The following ASPHD1 variants were observed in gnomAD, a reference collection of about 807,000 sequenced individuals.
ASPHD1 encodes the protein aspartate beta-hydroxylase domain-containing protein 1.
ASPHD1 carries 20 observed loss-of-function variants against 28.3 expected under a neutral mutation model. The ratio of observed to expected loss-of-function variants is 0.71; its 90% CI spans 0.50 to 1.03. The LOEUF is 1.03. ASPHD1 is among the 50% of genes least tolerant of loss of function. The pLI is 0.00. For synonymous variants in ASPHD1, 240 were observed against 221.2 expected (o/e 1.08, Z -0.75); for missense variants, 479 against 524.1 (o/e 0.91, Z 0.84).
At position 29,904,974 on chromosome 16, in the gene ASPHD1, G is replaced by C. The variant is rs1456559081; in HGVS notation, c.1063+9G>C. On this transcript the variant is annotated intron_variant, in intron 2 of 2. Transcript: ENST00000308748. ...CACAGTGGCTCACAATGGTAACGGGGTGCCCATTCTGCAGGGGGGATGAGG... is the reference window on the plus strand; with the variant it reads ...CACAGTGGCTCACAATGGTAACGGGCTGCCCATTCTGCAGGGGGGATGAGG... 1.2e-6 allele frequency: 2 copies of C among 1,604,168 alleles called. No homozygotes were observed. Among genetic ancestry groups the C allele is most frequent in the Middle Eastern group, 3.3e-4 (2 of 6,024 alleles).
intron 1 of ASPHD1, 111 bp from the exon 2 acceptor site, chr16:29,904,741 G>T: frequency 1.6e-6 from 1 of 615,988 alleles, no homozygotes; most frequent in Non-Finnish European, 2.8e-6. Flanking sequence ...AAAGGAGGAT[G>T]ACCACAAAAC....
At position 29,901,887 on chromosome 16, in the gene ASPHD1, G is replaced by C; in HGVS notation, c.916G>C (p.Gly306Arg). 1 of 1,520,370 alleles carries C rather than the reference G, an allele frequency of 6.6e-7. No individual in the cohort carries two copies. The highest frequency in any genetic ancestry group is 1.3e-5 in the South Asian group (1 of 76,634). 94.2% of individuals were successfully genotyped at this position (1,520,370 alleles called of 1,614,324 possible). The change falls in exon 1 of 3, where the codon GGG becomes CGG. Residue 306 changes from glycine (G) to arginine (R), a missense_variant. Gly to Arg is a moderately radical substitution (Grantham distance 125). Transcript: ENST00000308748. The surrounding 1 kb of genome is among the most constrained non-coding windows in gnomAD (Gnocchi z 5.1). ...TGGGGCCCGGCTCGAGGGCCGCTGT[G>C]GGCCCACCAATGCCCGGGTCAGATG... is the stretch of plus-strand genomic sequence containing the variant. ...LPGARLEGRC[G>R]PTNARVRCHL...
chr16:29,918,932 A>C lies in ASPHD1; in HGVS notation c.*63-599A>C, dbSNP rs574531104. Among the ~76,000 whole-genome samples, 361 of 152,290 alleles carry C rather than the reference A, an allele frequency of 2.4e-3. 1 individual carries two copies. Among genetic ancestry groups the C allele is most frequent in the African/African-American group, 8.4e-3 (349 of 41,562 alleles). On this transcript the variant is annotated intron_variant and NMD_transcript_variant, in intron 3 of 3. Coordinates refer to the ASPHD1 transcript ENST00000414952. Reference sequence around the variant, plus strand: ...CTCAGCCTCCCAAAGTGCTGGGATTACAGGCATGAGCCACCGCACCTGGCA... The same window carrying C: ...CTCAGCCTCCCAAAGTGCTGGGATTCCAGGCATGAGCCACCGCACCTGGCA...
chr16:29,912,483 C>G, intron 3 of ASPHD1: 1 of 214,296 alleles, frequency 4.7e-6, no homozygotes. Context: ...GCTTGTTGCC[C>G]AGGCTGGAGT....
In ASPHD1 at chr16:29,911,140, C is replaced by G; in HGVS notation, c.*62+5181C>G. On this transcript the variant is annotated intron_variant and NMD_transcript_variant, in intron 3 of 3. Transcript: ENST00000414952. ...AGCGCAGGGCCAGCTTGTCGAACAG[C>G]TCGATGTTCTTAAGTAGGTTGTCAT... 6.2e-7 allele frequency: 1 copy of G among 1,614,140 alleles called. No homozygotes were observed. Among genetic ancestry groups the G allele is most frequent in the Non-Finnish European group, 8.5e-7 (1 of 1,180,010 alleles).
intron 2 of ASPHD1, 35 bp downstream of exon 2, chr16:29,905,000 G>T: frequency 6.6e-7 from 1 of 1,515,320 alleles, no homozygotes; most frequent in South Asian, 1.1e-5. Flanking sequence ...GGGGATGAGG[G>T]ACTCAGGAGC....
At chr16:29,910,832 G>A, downstream of ASPHD1, 2 of 658,508 alleles carry the variant, frequency 3.0e-6, no homozygotes, top group Non-Finnish European at 5.2e-6. Flanking sequence ...GGATAGGGTG[G>A]CTTGCCCACT....
rs1057400851 is a variant in ASPHD1 at position 29,901,362 on chromosome 16, G to A, written c.391G>A (p.Gly131Arg). 21 of 1,594,270 alleles carry A rather than the reference G, an allele frequency of 1.3e-5. No homozygotes were observed. Among genetic ancestry groups the A allele is most frequent in the Admixed American group, 1.8e-5 (1 of 56,644 alleles). ...CTCGGAGGCCGGCGGGCCAAGCCCA[G>A]GGGGTCCTGGGGATCCCGGGGAAGG... ...GCSEAGGPSP[G>R]GPGDPGEGPR... is the part of the protein sequence containing the mutation. The change falls in exon 1 of 3, where the codon GGG becomes AGG. Residue 131 changes from glycine to arginine, a missense_variant. Physicochemically the swap from Gly to Arg is moderately radical, Grantham distance 125. Transcript: ENST00000308748. This position sits in a 1 kb window ranked among gnomAD's most constrained non-coding sequence, Gnocchi z 5.1.
At chr16:29,911,434 T>C (rs2068707351) in intron 3 of ASPHD1, 4 of 561,022 alleles carry the variant, frequency 7.1e-6, no homozygotes, top group Non-Finnish European at 1.3e-5. Flanking sequence ...GGGGTCCTGG[T>C]GTCCCCATTT....
chr16:29,904,528 G>A (rs778545354), intron 1 of ASPHD1, among the ~76,000 whole-genome samples: 3 of 150,604 alleles, frequency 2.0e-5, no homozygotes, highest in Non-Finnish European at 4.4e-5. Flanking sequence ...GCTGAGACAC[G>A]AGAATCACTT....
chr16:29,911,551 C>T, intron 3 of ASPHD1: 1 of 589,486 alleles, frequency 1.7e-6, no homozygotes, highest in South Asian at 2.0e-5. Flanking sequence ...GAGGACTCTG[C>T]CAGTTCCTAG....
rs202082471 is a variant in ASPHD1 at position 29,911,805 on chromosome 16, C to T, written c.*62+5846C>T. 216 of 1,612,322 alleles carry T rather than the reference C, an allele frequency of 1.3e-4. 1 individual carries two copies. The highest frequency in any genetic ancestry group is 1.5e-4 in the Non-Finnish European group (180 of 1,179,614). On this transcript the variant is annotated intron_variant and NMD_transcript_variant, in intron 3 of 3. Transcript: ENST00000414952. ...GGGTCCCGCCCAGTGCCCCGCACCC[C>T]GGCGGTCACCTGGTGTAGGAGTACT...
chr16:29,901,968 C>T lies in ASPHD1; in HGVS notation c.949+48C>T, dbSNP rs983988168. 7.3e-6 allele frequency: 10 copies of T among 1,370,474 alleles called. No individual in the cohort carries two copies. The highest frequency in any genetic ancestry group is 9.5e-6 in the Non-Finnish European group (10 of 1,047,368). The allele number at this position is 1,370,474 out of a possible 1,614,324, so 84.9% of individuals were successfully genotyped here. A position where few individuals can be genotyped will look rare whatever the true frequency, so the allele number is the denominator to read the frequency against. On this transcript the variant is annotated intron_variant, in intron 1 of 2. Transcript: ENST00000308748. The surrounding 1 kb of genome is among the most constrained non-coding windows in gnomAD (Gnocchi z 5.1). ...CAACCTCCTTGCCTCGATGATTTCC[C>T]CCCCAGACCCTTCTCTCCGCCAGAG...
Position 29,905,985 on chromosome 16 carries a change from G to A in ASPHD1, c.*88G>A, listed in dbSNP as rs75225650. ...GTAGCCAGGACCTCCTCTCTACTGC[G>A]GGGGTGGGCGGGGGCGGAGGATGGG... On this transcript the variant is annotated 3_prime_UTR_variant, in exon 3 of 3. Transcript: ENST00000308748. 138 of 782,304 alleles carry A rather than the reference G, an allele frequency of 1.8e-4. 1 individual carries two copies. The highest frequency in any genetic ancestry group is 4.3e-4 in the East Asian group (14 of 32,466). 48.5% of individuals were successfully genotyped at this position (782,304 alleles called of 1,614,324 possible). A position where few individuals can be genotyped will look rare whatever the true frequency, so the allele number is the denominator to read the frequency against.
chr16:29,901,563 G>C lies in ASPHD1; in HGVS notation c.592G>C (p.Ala198Pro), dbSNP rs1430032975. The change falls in exon 1 of 3, where the codon GCC becomes CCC. Residue 198 changes from alanine to proline, a missense_variant. Ala to Pro is a conservative substitution (Grantham distance 27). Transcript: ENST00000308748. This position sits in a 1 kb window ranked among gnomAD's most constrained non-coding sequence, Gnocchi z 5.1. ...GLLFLPDLPS[A>P]PFVPRDAQRH... ...GCTTTTCCTACCAGACCTGCCTTCA[G>C]CCCCCTTTGTGCCGCGGGACGCCCA... 19 of 1,550,256 alleles carry C rather than the reference G, an allele frequency of 1.2e-5. No individual in the cohort carries two copies. Among genetic ancestry groups the C allele is most frequent in the Non-Finnish European group, 1.6e-5 (19 of 1,155,604 alleles).
At chr16:29,907,134 T>A, downstream of ASPHD1, 1 of 1,538,724 alleles carries the variant, frequency 6.5e-7, no homozygotes. Context: ...CGGCCCCAGC[T>A]CCTTCCTTCT....
Position 29,901,301 on chromosome 16 carries a change from C to T in ASPHD1, c.330C>T (p.Ser110=). 1 of 1,611,666 alleles carries T rather than the reference C, an allele frequency of 6.2e-7. No homozygotes were observed. The highest frequency in any genetic ancestry group is 1.1e-5 in the South Asian group (1 of 90,950). ...SQDMQALGAG[S]RAGGVRGGPV... The stretch of plus-strand genomic sequence containing the variant: ...ACATGCAGGCCCTAGGGGCTGGGAG[C>T]CGAGCTGGGGGTGTTCGTGGTGGGC... Residue 110 remains serine (S), a synonymous_variant, in exon 1 of 3, where the codon AGC becomes AGT. Transcript: ENST00000308748. The surrounding 1 kb of genome is among the most constrained non-coding windows in gnomAD (Gnocchi z 5.1).
chr16:29,908,735 C>T (rs2150832816), downstream of ASPHD1, among the ~76,000 whole-genome samples: 1 of 149,880 alleles, frequency 6.7e-6, no homozygotes, highest in Middle Eastern at 3.6e-3. Context: ...CAAGATCTCA[C>T]TCTGTTGCCT....
chr16:29,918,946 C>T (rs2068860831), intron 3 of ASPHD1, among the ~76,000 whole-genome samples: 1 of 152,210 alleles, frequency 6.6e-6, no homozygotes, highest in Non-Finnish European at 1.5e-5. Flanking sequence ...GCATGAGCCA[C>T]CGCACCTGGC....
Sources: allele counts gnomAD v4.1 joint callset (sites outside exome capture counted in the v4.1 genomes callset), GRCh38; gene constraint gnomAD v4.1.1; non-coding constraint Gnocchi (gnomAD v3.1); transcripts MANE v1.5; gene names NCBI Gene and HGNC (gene_info 2026-07-23, HGNC 2026-07-21).